The following KIAA1328 variants were observed in gnomAD, a reference collection of about 807,000 sequenced individuals.
KIAA1328 encodes the protein KIAA1328, also known as protein hinderin.
Under a neutral mutation model 68.1 loss-of-function variants are expected in KIAA1328, and 52 were observed. The ratio of observed to expected loss-of-function variants is 0.76; its 90% CI spans 0.61 to 0.96. The LOEUF is 0.96. Ranked by LOEUF, KIAA1328 falls within the 40% of genes least tolerant of loss-of-function variation. The pLI, the probability that KIAA1328 is intolerant of heterozygous loss-of-function variation, is 0.00. For missense variants in KIAA1328, 641 were observed against 677.6 expected (o/e 0.95, Z 0.60); for synonymous variants, 232 against 239.4 (o/e 0.97, Z 0.28).
intron 3 of KIAA1328, 119 bp downstream of exon 3, chr18:36,835,495 A>G: frequency 1.0e-6 from 1 of 989,632 alleles, no homozygotes; most frequent in Admixed American, 2.6e-5. Context: ...CTTAAAAGAT[A>G]CAGAGGATTC....
At chr18:36,865,524 A>G (rs1381007085) in intron 4 of KIAA1328, among the ~76,000 whole-genome samples, 3 of 152,178 alleles carry the variant, frequency 2.0e-5, no homozygotes, top group Non-Finnish European at 2.9e-5. Flanking sequence ...ACTCTCTTGG[A>G]TGACTTCGAG....
intron 7 of KIAA1328, among the ~76,000 whole-genome samples, chr18:37,116,493 C>G (rs550866257): frequency 6.6e-6 from 1 of 152,158 alleles, no homozygotes; most frequent in Admixed American, 6.5e-5. Flanking sequence ...TTCCTTACAC[C>G]TTATACAAAA....
intron 6 of KIAA1328, among the ~76,000 whole-genome samples, chr18:37,052,591 A>G (rs1312193583): frequency 6.6e-6 from 1 of 152,154 alleles, no homozygotes; most frequent in East Asian, 1.9e-4. Context: ...CTAAAAAAAA[A>G]ACCCTAAAGA....
intron 5 of KIAA1328, among the ~76,000 whole-genome samples, chr18:36,911,568 C>G (rs2049451690): frequency 6.6e-6 from 1 of 152,118 alleles, no homozygotes; most frequent in Admixed American, 6.6e-5. Context: ...AACTACTTTA[C>G]TTTCTTACAG....
chr18:37,084,351 A>G, intron 7 of KIAA1328: 1 of 426,906 alleles, frequency 2.3e-6, no homozygotes, highest in Non-Finnish European at 4.0e-6. Flanking sequence ...ATGAATACGT[A>G]CATTCCTGTT....
intron 5 of KIAA1328, among the ~76,000 whole-genome samples, chr18:36,889,386 T>C (rs925867064): frequency 6.6e-6 from 1 of 152,220 alleles, no homozygotes; most frequent in Non-Finnish European, 1.5e-5. Context: ...AAAATTTGAT[T>C]AATATTTAAG....
chr18:37,078,839 G>A (rs1041003031), intron 7 of KIAA1328, among the ~76,000 whole-genome samples: 5 of 149,798 alleles, frequency 3.3e-5, no homozygotes, highest in Admixed American at 3.3e-4. Flanking sequence ...AACAGGTGCT[G>A]GAGAGGATGT....
At chr18:37,154,751 C>T (rs1166785237) in intron 7 of KIAA1328, among the ~76,000 whole-genome samples, 1 of 152,158 alleles carries the variant, frequency 6.6e-6, no homozygotes, top group Admixed American at 6.5e-5. Flanking sequence ...AGCTTATATT[C>T]TCATGTTTAT....
chr18:37,101,205 G>A (rs1404694574), intron 7 of KIAA1328, among the ~76,000 whole-genome samples: 1 of 152,222 alleles, frequency 6.6e-6, no homozygotes, highest in Non-Finnish European at 1.5e-5. Flanking sequence ...GGCTTCAGAC[G>A]ATCAAACTAC....
chr18:36,908,403 C>G (rs1319145409), intron 5 of KIAA1328, among the ~76,000 whole-genome samples: 1 of 152,144 alleles, frequency 6.6e-6, no homozygotes, highest in Non-Finnish European at 1.5e-5. Flanking sequence ...TGCAGTGGCA[C>G]AATCATAGCT....
chr18:36,910,130 A>T (rs1361870585), intron 5 of KIAA1328, among the ~76,000 whole-genome samples: 1 of 152,072 alleles, frequency 6.6e-6, no homozygotes. Context: ...GTTTAATTAG[A>T]TCCCATTTGT....
chr18:37,123,172 T>C (rs1280146074), intron 7 of KIAA1328, among the ~76,000 whole-genome samples: 1 of 152,160 alleles, frequency 6.6e-6, no homozygotes, highest in Non-Finnish European at 1.5e-5. Flanking sequence ...CTTGTTAGTA[T>C]ACTAGAGAGC....
chr18:36,948,221 C>G (rs750490056), intron 5 of KIAA1328, among the ~76,000 whole-genome samples: 1 of 149,960 alleles, frequency 6.7e-6, no homozygotes, highest in Non-Finnish European at 1.5e-5. Flanking sequence ...GTTTGAAGAT[C>G]GGAAGTAGAA....
At position 37,142,158 on chromosome 18, in the gene KIAA1328, A is replaced by G. The variant is rs186933603; in HGVS notation, c.1233-18042A>G. On this transcript the variant is annotated intron_variant, in intron 7 of 9. Transcript: ENST00000280020. ...TATTAAGTACATTTTTGTGTGTAGTATGAGGTAGGGCTCAAGGTTCATTCT... is the reference window on the plus strand; with the variant it reads ...TATTAAGTACATTTTTGTGTGTAGTGTGAGGTAGGGCTCAAGGTTCATTCT... 6.9e-4 allele frequency among the ~76,000 whole-genome samples: 105 copies of G among 151,526 alleles called. 1 individual carries two copies. The highest frequency in any genetic ancestry group is 4.2e-3 in the South Asian group (20 of 4,810).
chr18:36,981,964 T>G (rs74613881), intron 6 of KIAA1328, among the ~76,000 whole-genome samples: 1 of 150,926 alleles, frequency 6.6e-6, no homozygotes, highest in African/African-American at 2.4e-5. Context: ...AATGGGAGAT[T>G]AGACATTGCA....
chr18:36,842,815 T>C (rs942084663), intron 3 of KIAA1328, among the ~76,000 whole-genome samples: 2 of 152,072 alleles, frequency 1.3e-5, no homozygotes, highest in African/African-American at 2.4e-5. Flanking sequence ...TCTATTTGTC[T>C]TTTTTAATCA....
At chr18:36,987,475 T>TA (rs1210133237) in intron 6 of KIAA1328, among the ~76,000 whole-genome samples, 1 of 105,150 alleles carries the variant, frequency 9.5e-6, no homozygotes, top group Non-Finnish European at 2.2e-5. Flanking sequence ...CCCTAAAACT[T>TA]AGAGTATAAT....
chr18:37,166,178 A>C (rs2059385969), intron 8 of KIAA1328, among the ~76,000 whole-genome samples: 1 of 152,110 alleles, frequency 6.6e-6, no homozygotes, highest in African/African-American at 2.4e-5. Context: ...AAACACTGAA[A>C]AATCTTGCAA....
chr18:36,876,897 A>G (rs2048146373), intron 4 of KIAA1328, among the ~76,000 whole-genome samples: 1 of 152,106 alleles, frequency 6.6e-6, no homozygotes, highest in African/African-American at 2.4e-5. Flanking sequence ...GTTGGTTTCA[A>G]ATAACTTATT....
Sources: gnomAD v4.1 joint callset for allele counts (sites outside exome capture counted in the v4.1 genomes callset) on GRCh38, gnomAD v4.1.1 for gene constraint, MANE v1.5 for transcripts, NCBI Gene and HGNC (gene_info 2026-07-23, HGNC 2026-07-21) for gene names.